Variants in MRE11 observed in about 807,000 individuals in gnomAD.
The protein encoded by MRE11 is MRE11 double strand break repair nuclease, also known as double-strand break repair protein MRE11.
MRE11 carries 62 observed loss-of-function variants against 91.7 expected under a neutral mutation model. The observed-to-expected ratio is 0.68, with a 90% CI of 0.55 to 0.84. The LOEUF (loss-of-function observed/expected upper bound fraction) is 0.84. Among genes scored for constraint, MRE11 ranks in the 40% least tolerant of loss-of-function variants. The pLI is 0.00. For missense variants in MRE11, 796 were observed against 852.9 expected, an observed-to-expected ratio of 0.93 and a Z score of 0.83; for synonymous variants, 273 against 271.4, an observed-to-expected ratio of 1.01 and a Z score of -0.06.
rs116308367 is a variant in MRE11 at position 94,488,348 on chromosome 11, G to A, written c.154-2264C>T. Among the ~76,000 whole-genome samples, 491 of 152,318 alleles carry A rather than the reference G, an allele frequency of 3.2e-3. 2 individuals are homozygous for A. Among genetic ancestry groups the A allele is most frequent in the African/African-American group, 0.01 (418 of 41,572 alleles). On this transcript the variant is annotated intron_variant, in intron 3 of 19. Transcript: ENST00000323929. ...GGAGAAAAGGGAACACTTATACACT[G>A]TTGATGGGGGTGTAAACTGGTTCAA...
intron 1 of MRE11, 40 bp from the exon 2 acceptor site, chr11:94,492,946 GCCTGCACGTATTTAA>G: frequency 1.3e-6 from 1 of 748,912 alleles, no homozygotes; most frequent in Non-Finnish European, 2.3e-6. Context: ...TTTTTTAAAA[GCCTGCACGTATTTAA>G]CCAACATGAT....
chr11:94,457,198 T>C (rs532573555), intron 13 of MRE11, among the ~76,000 whole-genome samples: 2 of 152,266 alleles, frequency 1.3e-5, no homozygotes, highest in East Asian at 1.9e-4. Flanking sequence ...ATAAAAAACA[T>C]GTTTCAAAGA....
chr11:94,489,473 T>C (rs1035992876), intron 3 of MRE11, among the ~76,000 whole-genome samples: 1 of 152,066 alleles, frequency 6.6e-6, no homozygotes, highest in African/African-American at 2.4e-5. Flanking sequence ...CATGATCTGA[T>C]TTATTATTTT....
At chr11:94,498,166 T>C, upstream of MRE11, 1 of 1,614,170 alleles carries the variant, frequency 6.2e-7, no homozygotes, top group East Asian at 2.2e-5. Context: ...CAGCCTACAG[T>C]GGACACTTAG....
Position 94,418,358 on chromosome 11 carries a change from A to T in MRE11, c.*1767T>A. The T allele has an allele frequency of 4.3e-6, 1 of 232,516 alleles. No homozygotes were observed. The highest frequency in any genetic ancestry group is 8.5e-6 in the Non-Finnish European group (1 of 117,796). 14.4% of individuals were successfully genotyped at this position (232,516 alleles called of 1,614,324 possible). A position where few individuals can be genotyped will look rare whatever the true frequency, so the allele number is the denominator to read the frequency against. ...AGCGGTGAACTGAATCGCATTTAGT[A>T]CCTCTTTTCACAGCCAAGAGCAATT... On this transcript the variant is annotated 3_prime_UTR_variant, in exon 20 of 20. Transcript: ENST00000323929.
chr11:94,419,473 A>AGAGAGAGAGG lies in MRE11; in HGVS notation c.*651_*652insCCTCTCTCTC, dbSNP rs1945113404. On this transcript the variant is annotated 3_prime_UTR_variant, in exon 20 of 20. Coordinates refer to ENST00000323929, the MANE Select transcript of MRE11 (RefSeq NM_005591.4). Reference sequence around the variant, plus strand: ...GGGAACGGGGGGGAGAGGGAGAGAGAGAGAGAGAGAGAGAGAGAGAGAACA... The same window carrying AGAGAGAGAGG: ...GGGAACGGGGGGGAGAGGGAGAGAGAGAGAGAGAGGGAGAGAGAGAGAGAGAGAGAGAACA... The AGAGAGAGAGG allele has an allele frequency of 4.3e-6, 1 of 231,782 alleles. No individual in the cohort carries two copies. The highest frequency in any genetic ancestry group is 6.2e-5 in the East Asian group (1 of 16,152). 14.4% of individuals were successfully genotyped at this position (231,782 alleles called of 1,614,324 possible). A position where few individuals can be genotyped will look rare whatever the true frequency, so the allele number is the denominator to read the frequency against.
At chr11:94,511,481 C>G in the MRE11 span, among the ~76,000 whole-genome samples, 1 of 151,998 alleles carries the variant, frequency 6.6e-6, no homozygotes. Context: ...ATTACTCTAG[C>G]CAAAATTTCA....
chr11:94,435,573 A>ATAAG (rs1439169443), intron 18 of MRE11, among the ~76,000 whole-genome samples: 1 of 152,168 alleles, frequency 6.6e-6, no homozygotes, highest in African/African-American at 2.4e-5. Context: ...AAATAAATAA[A>ATAAG]TAAAAAGAAA....
At chr11:94,438,273 AAAAC>A (rs1565207261) in intron 16 of MRE11, among the ~76,000 whole-genome samples, 1 of 152,238 alleles carries the variant, frequency 6.6e-6, no homozygotes, top group African/African-American at 2.4e-5. Flanking sequence ...AGGGCACAGA[AAAAC>A]AAACAAATAC....
At position 94,461,089 on chromosome 11, in the gene MRE11, T is replaced by C. The variant is rs115997947; in HGVS notation, c.1226-53A>G. 1.3e-3 allele frequency: 1,919 copies of C among 1,445,562 alleles called. 14 individuals carry two copies. The African/African-American group carries it at 0.02, about 15-fold the overall frequency. 89.5% of individuals were successfully genotyped at this position (1,445,562 alleles called of 1,614,324 possible). A position where few individuals can be genotyped will look rare whatever the true frequency, so the allele number is the denominator to read the frequency against. ...TAGCTTCTATCATAATGTTAAAATG[T>C]GCATACTCATTGCAAGTTGTCAGTG... is the stretch of plus-strand genomic sequence containing the variant. On this transcript the variant is annotated intron_variant, in intron 11 of 19. Transcript: ENST00000323929.
rs529990339 is a variant in MRE11, at chr11:94,460,739, ATAAC to A, written c.1326+193_1326+196del. Among the ~76,000 whole-genome samples the A allele has an allele frequency of 6.6e-5, 10 of 152,334 alleles. No homozygotes were observed. The East Asian group carries it at 1.9e-3, about 29-fold the overall frequency. On this transcript the variant is annotated intron_variant, in intron 12 of 19. Transcript: ENST00000323929. The stretch of plus-strand genomic sequence containing the variant: ...AACAGCTATATTAATAACAGTACTA[ATAAC>A]TAACATTAATTAAACACTAATTTTC...
intron 7 of MRE11, among the ~76,000 whole-genome samples, chr11:94,475,847 T>A (rs983334087): frequency 6.6e-6 from 1 of 152,184 alleles, no homozygotes; most frequent in Non-Finnish European, 1.5e-5. Context: ...AAAATGGATC[T>A]CAGTAATGTA....
At chr11:94,467,181 G>C (rs1431598373) in intron 10 of MRE11, among the ~76,000 whole-genome samples, 2 of 152,136 alleles carry the variant, frequency 1.3e-5, no homozygotes, top group Admixed American at 6.5e-5. Context: ...AGCAACATGG[G>C]GTAGGAGTTT....
At chr11:94,437,267 T>C (rs776882742) in intron 16 of MRE11, 32 bp from the exon 17 acceptor site, 1 of 1,601,004 alleles carries the variant, frequency 6.2e-7, no homozygotes, top group Non-Finnish European at 8.5e-7. Flanking sequence ...GTGCATTATG[T>C]TATTCTTAAA....
chr11:94,477,086 A>C (rs1253391104), intron 6 of MRE11, among the ~76,000 whole-genome samples: 1 of 152,198 alleles, frequency 6.6e-6, no homozygotes, highest in Non-Finnish European at 1.5e-5. Flanking sequence ...AGACATATAC[A>C]TGTTCAAAAC....
chr11:94,485,847 A>G (rs889905618), intron 4 of MRE11, 77 bp downstream of exon 4: 63 of 1,372,192 alleles, frequency 4.6e-5, no homozygotes, highest in African/African-American at 7.2e-5. Flanking sequence ...AAGGCAAAAC[A>G]GTTGTGTGTT....
At chr11:94,510,557 T>C in the MRE11 span, among the ~76,000 whole-genome samples, 3 of 152,252 alleles carry the variant, frequency 2.0e-5, no homozygotes, top group African/African-American at 7.2e-5. Flanking sequence ...TAGGTGTTTT[T>C]GCTTTCAAAT....
rs12277098 is a variant in MRE11, at chr11:94,446,496, G to C, written c.1784-603C>G. Among the ~76,000 whole-genome samples the C allele has an allele frequency of 7.3e-3, 1,106 of 152,272 alleles. 11 individuals carry two copies. Among genetic ancestry groups the C allele is most frequent in the African/African-American group, 0.024 (1,008 of 41,558 alleles). ...ATAGTGAAAATAATCATCATTAAAAGATGAGGATTTCTCTCCCTGGAGATT... is the reference window on the plus strand; with the variant it reads ...ATAGTGAAAATAATCATCATTAAAACATGAGGATTTCTCTCCCTGGAGATT... On this transcript the variant is annotated intron_variant, in intron 15 of 19. Coordinates refer to ENST00000323929, the MANE Select transcript of MRE11 (RefSeq NM_005591.4).
chr11:94,494,602 A>G (rs1049671732), upstream of MRE11, among the ~76,000 whole-genome samples: 1 of 152,184 alleles, frequency 6.6e-6, no homozygotes, highest in African/African-American at 2.4e-5. Flanking sequence ...ATACCCTGAC[A>G]TTCCTGATGG....
Sources: gnomAD v4.1 joint callset for allele counts (sites outside exome capture counted in the v4.1 genomes callset) on GRCh38, gnomAD v4.1.1 for gene constraint, MANE v1.5 for transcripts, NCBI Gene and HGNC (gene_info 2026-07-23, HGNC 2026-07-21) for gene names.